The following KIAA1958 variants were observed in gnomAD, a reference collection of about 807,000 sequenced individuals.
The protein encoded by KIAA1958 is KIAA1958.
Under a neutral mutation model 47.2 loss-of-function variants are expected in KIAA1958, and 14 were observed. The observed-to-expected ratio is 0.30, with a 90% CI of 0.20 to 0.46. The LOEUF is 0.46. Among genes scored for constraint, KIAA1958 ranks in the 20% least tolerant of loss-of-function variants. The probability of loss-of-function intolerance (pLI) is 1.00; values close to 1 mark genes in which losing one functional copy is unlikely to be tolerated. For missense variants in KIAA1958, 803 were observed against 909.2 expected, an observed-to-expected ratio of 0.88 and a Z score of 1.50; for synonymous variants, 354 against 353.3, an observed-to-expected ratio of 1.00 and a Z score of -0.02.
At chr9:112,617,953 C>T in intron 2 of KIAA1958, 2 of 1,550,568 alleles carry the variant, frequency 1.3e-6, no homozygotes, top group Non-Finnish European at 1.7e-6. Flanking sequence ...TCCGCAATTT[C>T]CGTGAGTTCC....
chr9:112,520,234 T>C (rs1438935425), intron 1 of KIAA1958, among the ~76,000 whole-genome samples: 1 of 152,254 alleles, frequency 6.6e-6, no homozygotes, highest in Non-Finnish European at 1.5e-5. Context: ...GCTAACGAAA[T>C]CTAATTCAGT....
intron 2 of KIAA1958, among the ~76,000 whole-genome samples, chr9:112,636,420 C>T (rs1034783793): frequency 2.6e-5 from 4 of 152,026 alleles, no homozygotes; most frequent in African/African-American, 7.2e-5. Context: ...GCATTGTTCA[C>T]ATCTATATCT....
intron 2 of KIAA1958, among the ~76,000 whole-genome samples, chr9:112,578,638 T>C (rs369269493): frequency 5.9e-5 from 9 of 152,284 alleles, no homozygotes; most frequent in East Asian, 3.9e-4. Flanking sequence ...GCTGAACTCA[T>C]AAAATTATAA....
chr9:112,618,499 G>A lies in KIAA1958; in HGVS notation c.1172-27151G>A, dbSNP rs778592106. 2.6e-6 allele frequency: 4 copies of A among 1,550,610 alleles called. No individual in the cohort carries two copies. The highest frequency in any genetic ancestry group is 1.4e-5 in the African/African-American group (1 of 73,054). On this transcript the variant is annotated intron_variant, in intron 2 of 3. Transcript: ENST00000337530. The surrounding 1 kb of genome is among the most constrained non-coding windows in gnomAD (Gnocchi z 7.1). ...TGAATGCCAAAACCAAGAGAGGGGG[G>A]ACAGACTCCCGTGTGTATGCCACCC...
chr9:112,615,279 G>A (rs1215965870), intron 2 of KIAA1958, among the ~76,000 whole-genome samples: 2 of 151,986 alleles, frequency 1.3e-5, no homozygotes, highest in Non-Finnish European at 2.9e-5. Context: ...AATTAGCCAG[G>A]CATGATGGCG....
intron 1 of KIAA1958, among the ~76,000 whole-genome samples, chr9:112,525,924 C>T (rs1274073631): frequency 6.1e-4 from 1 of 1,628 alleles, no homozygotes; most frequent in Non-Finnish European, 8.6e-4. Context: ...ATTCTTTCTT[C>T]TTCTTCTTCT....
chr9:112,498,602 T>G (rs10759573), intron 1 of KIAA1958, among the ~76,000 whole-genome samples: 78,873 of 151,892 alleles, frequency 0.52, 20,588 homozygotes, highest in South Asian at 0.6. Flanking sequence ...ATCTTATGTG[T>G]AGAGTGGAGT....
intron 1 of KIAA1958, among the ~76,000 whole-genome samples, chr9:112,492,166 T>G (rs1205435275): frequency 6.6e-6 from 1 of 152,208 alleles, no homozygotes; most frequent in Non-Finnish European, 1.5e-5. Flanking sequence ...ATTGGTTGTC[T>G]TAAACAACAA....
In KIAA1958 at chr9:112,608,276, A is replaced by G. The variant is rs533770989; in HGVS notation, c.1171+33025A>G. 5.3e-5 allele frequency among the ~76,000 whole-genome samples: 8 copies of G among 152,342 alleles called. No individual in the cohort carries two copies. The South Asian group carries it at 1.7e-3, about 32-fold the overall frequency. The stretch of plus-strand genomic sequence containing the variant: ...CAAGATTCAAAAGATATTTAAACTA[A>G]TAATTTAAACTAATAATTAAACTAA... On this transcript the variant is annotated intron_variant, in intron 2 of 3. Transcript: ENST00000337530.
intron 1 of KIAA1958, among the ~76,000 whole-genome samples, chr9:112,488,935 C>T (rs1004615242): frequency 2.0e-5 from 3 of 152,152 alleles, no homozygotes; most frequent in African/African-American, 7.2e-5. Flanking sequence ...GATTTGTACA[C>T]ACATTACTTA....
chr9:112,602,032 C>A (rs1276869617), intron 2 of KIAA1958, among the ~76,000 whole-genome samples: 1 of 152,128 alleles, frequency 6.6e-6, no homozygotes, highest in African/African-American at 2.4e-5. Flanking sequence ...GCTTACAAAT[C>A]AGGCTTCAAT....
chr9:112,595,817 C>A (rs1288875785), intron 2 of KIAA1958, among the ~76,000 whole-genome samples: 1 of 150,714 alleles, frequency 6.6e-6, no homozygotes, highest in Non-Finnish European at 1.5e-5. Flanking sequence ...CGGAGTTTCA[C>A]TCTTATTGCC....
At chr9:112,628,711 C>G (rs536967176) in intron 2 of KIAA1958, among the ~76,000 whole-genome samples, 3 of 152,118 alleles carry the variant, frequency 2.0e-5, no homozygotes, top group East Asian at 1.9e-4. Context: ...TTGGGTCTTA[C>G]GTACATTTTG....
intron 2 of KIAA1958, among the ~76,000 whole-genome samples, chr9:112,627,552 G>A (rs1362301338): frequency 6.6e-6 from 1 of 152,150 alleles, no homozygotes; most frequent in Non-Finnish European, 1.5e-5. Context: ...TCAGGAGTTC[G>A]AGGCCAGCCT....
chr9:112,636,193 G>T (rs567007264), intron 2 of KIAA1958, among the ~76,000 whole-genome samples: 2 of 148,656 alleles, frequency 1.3e-5, no homozygotes, highest in Admixed American at 1.3e-4. Context: ...ATATATAATT[G>T]CTTGTCAAAT....
chr9:112,578,248 A>G (rs1437290799), intron 2 of KIAA1958, among the ~76,000 whole-genome samples: 1 of 152,176 alleles, frequency 6.6e-6, no homozygotes, highest in Non-Finnish European at 1.5e-5. Context: ...TTGTGTTTGC[A>G]TGTTTATTTA....
At chr9:112,636,856 A>G (rs1836813887) in intron 2 of KIAA1958, among the ~76,000 whole-genome samples, 1 of 152,170 alleles carries the variant, frequency 6.6e-6, no homozygotes, top group Non-Finnish European at 1.5e-5. Flanking sequence ...TGGAATATCT[A>G]TAATAATGGA....
At chr9:112,578,984 G>A (rs1564179567) in intron 2 of KIAA1958, among the ~76,000 whole-genome samples, 1 of 151,696 alleles carries the variant, frequency 6.6e-6, no homozygotes, top group East Asian at 1.9e-4. Flanking sequence ...TGTGGTATAA[G>A]CAATCCATTT....
intron 1 of KIAA1958, among the ~76,000 whole-genome samples, chr9:112,543,834 C>G (rs9886935): frequency 0.95 from 145,329 of 152,250 alleles, 69,433 homozygotes; most frequent in African/African-American, 0.99. Context: ...CGGCCTCCCA[C>G]AGTTCTGAGC....
Sources: allele counts gnomAD v4.1 joint callset (sites outside exome capture counted in the v4.1 genomes callset), GRCh38; gene constraint gnomAD v4.1.1; non-coding constraint Gnocchi (gnomAD v3.1); transcripts MANE v1.5; gene names NCBI Gene and HGNC (gene_info 2026-07-23, HGNC 2026-07-21).